Variants in ANKS1B observed in about 807,000 individuals in gnomAD.
The protein encoded by ANKS1B is ankyrin repeat and sterile alpha motif domain-containing protein 1B.
ANKS1B carries 36 observed loss-of-function variants against 148.3 expected under a neutral mutation model. The ratio of observed to expected loss-of-function variants is 0.24; its 90% CI spans 0.19 to 0.32. The LOEUF (loss-of-function observed/expected upper bound fraction) is 0.32. Among genes scored for constraint, ANKS1B ranks in the 10% least tolerant of loss-of-function variants. The pLI is 1.00. For missense variants in ANKS1B, 1,157 were observed against 1,542.6 expected, an observed-to-expected ratio of 0.75 and a Z score of 4.19; for synonymous variants, 542 against 560.8, an observed-to-expected ratio of 0.97 and a Z score of 0.47.
chr12:99,315,536 T>C (rs993071470), intron 12 of ANKS1B, among the ~76,000 whole-genome samples: 4 of 152,074 alleles, frequency 2.6e-5, no homozygotes, highest in Non-Finnish European at 4.4e-5. Context: ...CCAATCAGAA[T>C]GGTAATTATT....
At chr12:98,758,128 T>C (rs889901747) in intron 25 of ANKS1B, among the ~76,000 whole-genome samples, 1 of 152,206 alleles carries the variant, frequency 6.6e-6, no homozygotes, top group Non-Finnish European at 1.5e-5. Context: ...TAGCATTTAT[T>C]ATTTACTATG....
intron 9 of ANKS1B, among the ~76,000 whole-genome samples, chr12:99,613,782 C>T (rs2153352093): frequency 6.6e-6 from 1 of 152,026 alleles, no homozygotes; most frequent in South Asian, 2.1e-4. Context: ...ATGAAATAAT[C>T]TGTACAACAA....
chr12:98,760,587 G>T (rs141329497), intron 25 of ANKS1B, among the ~76,000 whole-genome samples: 46 of 152,320 alleles, frequency 3.0e-4, no homozygotes, highest in Admixed American at 8.5e-4. Context: ...CTCTGCAGGT[G>T]CTGTCATGGC....
chr12:99,023,376 T>C lies in ANKS1B; in HGVS notation c.2778+29781A>G, dbSNP rs2099946937. Among the ~76,000 whole-genome samples, 4 of 152,264 alleles carry C rather than the reference T, an allele frequency of 2.6e-5. No individual in the cohort carries two copies. In the South Asian group the frequency reaches 8.3e-4, roughly 32 times the overall value. Reference sequence around the variant, plus strand: ...CTGACAATGCCCTTTTTCATTCTTATTCTTGAATTTTAGATAGCTGGGTAT... The same window carrying C: ...CTGACAATGCCCTTTTTCATTCTTACTCTTGAATTTTAGATAGCTGGGTAT... On this transcript the variant is annotated intron_variant, in intron 17 of 26. Transcript: ENST00000683438.
At chr12:99,766,197 G>C (rs962776738) in intron 8 of ANKS1B, among the ~76,000 whole-genome samples, 1 of 152,106 alleles carries the variant, frequency 6.6e-6, no homozygotes, top group Non-Finnish European at 1.5e-5. Flanking sequence ...CTTTCACTGA[G>C]AGACCACTAC....
At chr12:99,565,838 A>G (rs999579574) in intron 9 of ANKS1B, among the ~76,000 whole-genome samples, 1 of 152,142 alleles carries the variant, frequency 6.6e-6, no homozygotes, top group African/African-American at 2.4e-5. Flanking sequence ...AGGGATTCAC[A>G]CCATAAAAGA....
At chr12:98,969,447 G>C (rs2099881338) in intron 17 of ANKS1B, among the ~76,000 whole-genome samples, 1 of 152,052 alleles carries the variant, frequency 6.6e-6, no homozygotes, top group African/African-American at 2.4e-5. Flanking sequence ...TTTTGTTGTT[G>C]CTTATTTTAA....
chr12:98,752,205 C>T (rs1379975472), intron 25 of ANKS1B, among the ~76,000 whole-genome samples: 1 of 152,150 alleles, frequency 6.6e-6, no homozygotes, highest in Non-Finnish European at 1.5e-5. Context: ...TGTGCCCTGA[C>T]CACCTTGGGC....
chr12:98,848,499 CTTAAA>C (rs2099496554), intron 17 of ANKS1B, among the ~76,000 whole-genome samples: 1 of 151,632 alleles, frequency 6.6e-6, no homozygotes, highest in Non-Finnish European at 1.5e-5. Context: ...TCCACCCACA[CTTAAA>C]TTAAATCTCC....
intron 1 of ANKS1B, 38 bp downstream of exon 1, chr12:99,984,066 T>G: frequency 1.3e-6 from 2 of 1,571,832 alleles, no homozygotes; most frequent in Non-Finnish European, 1.7e-6. Flanking sequence ...CAATGCATAA[T>G]GAGGTGTGCC....
intron 25 of ANKS1B, among the ~76,000 whole-genome samples, chr12:98,764,346 T>C (rs1027785794): frequency 1.6e-4 from 25 of 152,082 alleles, no homozygotes; most frequent in Admixed American, 1.6e-3. Context: ...CCAGCCTCAG[T>C]CTCCTGAGTA....
chr12:99,467,891 C>T (rs1182657315), intron 10 of ANKS1B, among the ~76,000 whole-genome samples: 1 of 152,094 alleles, frequency 6.6e-6, no homozygotes, highest in Non-Finnish European at 1.5e-5. Context: ...TCAATGCCAT[C>T]CCCATCAAGC....
At chr12:99,557,617 T>A (rs1447261433) in intron 9 of ANKS1B, among the ~76,000 whole-genome samples, 1 of 152,204 alleles carries the variant, frequency 6.6e-6, no homozygotes, top group South Asian at 2.1e-4. Flanking sequence ...TTCTCCTGAA[T>A]CTTGATGATT....
intron 12 of ANKS1B, among the ~76,000 whole-genome samples, chr12:99,351,191 G>A (rs1460850021): frequency 6.6e-6 from 1 of 151,976 alleles, no homozygotes; most frequent in Non-Finnish European, 1.5e-5. Flanking sequence ...ACAAGACAAG[G>A]GACATTGGTC....
chr12:99,462,430 T>C (rs1263014418), intron 10 of ANKS1B, among the ~76,000 whole-genome samples: 1 of 152,236 alleles, frequency 6.6e-6, no homozygotes, highest in Admixed American at 6.5e-5. Flanking sequence ...CATCACAGCC[T>C]GATCTCTCCA....
chr12:98,802,786 G>C (rs1459774369), intron 20 of ANKS1B, among the ~76,000 whole-genome samples: 1 of 151,622 alleles, frequency 6.6e-6, no homozygotes, highest in Admixed American at 6.6e-5. Flanking sequence ...TCTGTTCTCA[G>C]CCACTCTCCA....
At chr12:98,821,518 T>C (rs1406905152) in intron 19 of ANKS1B, among the ~76,000 whole-genome samples, 1 of 151,218 alleles carries the variant, frequency 6.6e-6, no homozygotes, top group African/African-American at 2.4e-5. Flanking sequence ...TCTCTGTCTC[T>C]CTCTCTCACA....
rs577552473 is a variant in ANKS1B, at chr12:99,187,820, A to G, written c.2420-33425T>C. 3.3e-5 allele frequency among the ~76,000 whole-genome samples: 5 copies of G among 152,350 alleles called. No homozygotes were observed. In the East Asian group the frequency reaches 9.6e-4, roughly 29 times the overall value. The stretch of plus-strand genomic sequence containing the variant: ...AATAACCAGCTAGCATCATAATGAC[A>G]GGATCAAATTCACACATAACAATAT... On this transcript the variant is annotated intron_variant, in intron 14 of 26. Transcript: ENST00000683438.
At chr12:99,521,650 C>T (rs2096875930) in intron 9 of ANKS1B, among the ~76,000 whole-genome samples, 1 of 152,172 alleles carries the variant, frequency 6.6e-6, no homozygotes, top group East Asian at 1.9e-4. Flanking sequence ...AAATGATTCT[C>T]TTGATTACCA....
Sources: allele counts gnomAD v4.1 joint callset (sites outside exome capture counted in the v4.1 genomes callset), GRCh38; gene constraint gnomAD v4.1.1; transcripts MANE v1.5; gene names NCBI Gene and HGNC (gene_info 2026-07-23, HGNC 2026-07-21).